Variants in POC5 observed in about 807,000 individuals in gnomAD.
POC5 encodes the protein POC5 centriolar protein, also known as centrosomal protein POC5.
A neutral mutation model predicts 62.9 loss-of-function variants in POC5; 48 were observed. The observed-to-expected ratio is 0.76, with a 90% CI of 0.61 to 0.97. The LOEUF is 0.97. Among genes scored for constraint, POC5 ranks in the 50% least tolerant of loss-of-function variants. POC5 has a pLI of 0.00. For synonymous variants in POC5, 236 were observed against 228.2 expected, an observed-to-expected ratio of 1.03 and a Z score of -0.31; for missense variants, 696 against 679.5, an observed-to-expected ratio of 1.02 and a Z score of -0.27.
rs200652341 is a variant in POC5, at chr5:75,685,383, G to A, written c.1231C>T (p.Pro411Ser). ...GATGGCAGCAGTGGTGATGTAACTG[G>A]TAAGGGCATCGGAGGAGCTGAAGGA... ...LDPSAPPMPL[P>S]VTSPLLPSPP... The change falls in exon 10 of 12, where the codon CCA (proline) becomes TCA (serine). Residue 411 changes from proline to serine, a missense_variant. By Grantham distance (74) the Pro-to-Ser change is moderately conservative. Coordinates refer to ENST00000428202, the MANE Select transcript of POC5 (RefSeq NM_001099271.2). 8.2e-5 allele frequency: 133 copies of A among 1,613,922 alleles called. No homozygotes were observed. Among genetic ancestry groups the A allele is most frequent in the Non-Finnish European group, 1.0e-4 (122 of 1,179,910 alleles).
At chr5:75,709,633 A>G (rs963915975) in intron 2 of POC5, 2 of 152,212 alleles carry the variant, frequency 1.3e-5, no homozygotes, top group Admixed American at 1.3e-4. Context: ...AAAAGTAACT[A>G]TGATTATTTA....
chr5:75,693,447 T>G (rs762453098), intron 6 of POC5, among the ~76,000 whole-genome samples: 2 of 152,064 alleles, frequency 1.3e-5, no homozygotes, highest in Non-Finnish European at 2.9e-5. Flanking sequence ...ACTGGAAATA[T>G]TCTATGTGTT....
In POC5 at chr5:75,674,202, T is replaced by A. The variant is rs1032514993; in HGVS notation, c.*233A>T. ...TATTAAAGAAATAAAGTCCAGTTTC[T>A]TTTTTAATTTAAAAAAGTTTTACTT... On this transcript the variant is annotated 3_prime_UTR_variant, in exon 12 of 12. Coordinates refer to ENST00000428202, the MANE Select transcript of POC5 (RefSeq NM_001099271.2). 1.3e-5 allele frequency: 4 copies of A among 316,964 alleles called. No homozygotes were observed. The highest frequency in any genetic ancestry group is 2.3e-5 in the Non-Finnish European group (4 of 176,170). 19.6% of individuals were successfully genotyped at this position (316,964 alleles called of 1,614,324 possible).
chr5:75,686,582 A>G (rs527682157), intron 9 of POC5, among the ~76,000 whole-genome samples: 1 of 152,334 alleles, frequency 6.6e-6, no homozygotes, highest in Non-Finnish European at 1.5e-5. Flanking sequence ...AAAACAAAAC[A>G]CACACTGAGT....
chr5:75,703,545 G>A (rs1281220561), intron 4 of POC5, among the ~76,000 whole-genome samples: 2 of 152,112 alleles, frequency 1.3e-5, no homozygotes, highest in African/African-American at 4.8e-5. Context: ...AGAATTGCTT[G>A]AACCAGGGAG....
intron 10 of POC5, among the ~76,000 whole-genome samples, chr5:75,683,091 T>C (rs970395756): frequency 4.6e-5 from 7 of 152,202 alleles, no homozygotes; most frequent in East Asian, 1.9e-4. Context: ...CTAAAACTTA[T>C]TCTGCCTCTT....
chr5:75,684,876 T>G (rs1776034735), intron 10 of POC5, among the ~76,000 whole-genome samples: 2 of 151,428 alleles, frequency 1.3e-5, no homozygotes, highest in South Asian at 4.2e-4. Context: ...CAAGCTTTTT[T>G]TTTTTTTTTG....
At chr5:75,689,995 C>A (rs894929861) in intron 8 of POC5, among the ~76,000 whole-genome samples, 1 of 152,142 alleles carries the variant, frequency 6.6e-6, no homozygotes, top group Non-Finnish European at 1.5e-5. Context: ...AAAAGATTAT[C>A]CTGCCTCAGC....
intron 10 of POC5, among the ~76,000 whole-genome samples, chr5:75,683,097 CTCT>C: frequency 6.6e-6 from 1 of 152,296 alleles, no homozygotes; most frequent in East Asian, 1.9e-4. Context: ...CTTATTCTGC[CTCT>C]TCTTTCCTCT....
rs1776941442 is a variant in POC5 at position 75,702,724 on chromosome 5, G to A, written c.394C>T (p.Pro132Ser). 6.2e-7 allele frequency: 1 copy of A among 1,606,920 alleles called. No individual in the cohort carries two copies. ...TCTGTATGACTAGAATTTGTTGCTG[G>A]TGAGGAAGAGTCAGCTAAAAGATGT... is the stretch of plus-strand genomic sequence containing the variant. ...SSHLLADSSS[P>S]ATNSSHTDAH... is the part of the protein sequence containing the mutation. Residue 132 changes from proline to serine, a missense_variant, in exon 5 of 12, where the codon CCA (proline) becomes TCA (serine). By Grantham distance (74) the Pro-to-Ser change is moderately conservative (BLOSUM62 -1). Coordinates refer to ENST00000428202, the MANE Select transcript of POC5 (RefSeq NM_001099271.2).
In POC5 at chr5:75,674,450, T is replaced by C. The variant is rs1420289536; in HGVS notation, c.1713A>G (p.Ile571Met). The change falls in exon 12 of 12, where the codon ATA (isoleucine) becomes ATG (methionine). Residue 571 changes from isoleucine (I) to methionine (M), a missense_variant. Physicochemically the swap from Ile to Met is conservative, Grantham distance 10. Transcript: ENST00000428202. ...CATATTCACTTTAGTCAACCACTTT[T>C]ATGGAATGAACACTTGTGAGAGACT... ...HTQSLTSVHSIKVVD is the reference protein window; with the variant it reads ...HTQSLTSVHSMKVVD The C allele has an allele frequency of 1.2e-6, 2 of 1,613,778 alleles. No individual in the cohort carries two copies. Among genetic ancestry groups the C allele is most frequent in the Non-Finnish European group, 1.7e-6 (2 of 1,179,834 alleles).
chr5:75,681,212 T>C (rs951373945), intron 10 of POC5, among the ~76,000 whole-genome samples: 1 of 152,128 alleles, frequency 6.6e-6, no homozygotes, highest in African/African-American at 2.4e-5. Context: ...TCCAAATCAG[T>C]TACTAATCGT....
At chr5:75,677,973 G>A (rs933225648) in intron 10 of POC5, 23 bp from the exon 11 acceptor site, 6 of 1,466,238 alleles carry the variant, frequency 4.1e-6, no homozygotes, top group Non-Finnish European at 5.4e-6. Context: ...AAAAATAAAA[G>A]AAGTAACAAG....
At chr5:75,716,212 CAGCATGACTGTCTTT>C (rs1286375547) in intron 1 of POC5, among the ~76,000 whole-genome samples, 2 of 152,120 alleles carry the variant, frequency 1.3e-5, no homozygotes, top group Non-Finnish European at 2.9e-5. Context: ...AACTAAATCT[CAGCATGACTGTCTTT>C]AGTTAAGCCA....
At chr5:75,675,269 C>G (rs1296120760) in intron 11 of POC5, among the ~76,000 whole-genome samples, 1 of 150,998 alleles carries the variant, frequency 6.6e-6, no homozygotes, top group African/African-American at 2.4e-5. Flanking sequence ...TAAACATGAA[C>G]AATATGTATC....
At chr5:75,700,360 C>T (rs1580045873) in intron 5 of POC5, among the ~76,000 whole-genome samples, 2 of 151,228 alleles carry the variant, frequency 1.3e-5, no homozygotes, top group East Asian at 2.0e-4. Context: ...GGTACTGGTA[C>T]CAAAACAGAG....
chr5:75,678,570 C>T (rs1383856543), intron 10 of POC5, among the ~76,000 whole-genome samples: 2 of 151,602 alleles, frequency 1.3e-5, no homozygotes, highest in Middle Eastern at 3.4e-3. Flanking sequence ...ACATATGCTT[C>T]TGTGTTCTGC....
rs1742652095 is a variant in POC5 at position 75,717,428 on chromosome 5, T to G, written c.-137A>C. 1 of 152,362 alleles carries G rather than the reference T, an allele frequency of 6.6e-6. No individual in the cohort carries two copies. Among genetic ancestry groups the G allele is most frequent in the African/African-American group, 2.4e-5 (1 of 41,572 alleles). 9.4% of individuals were successfully genotyped at this position (152,362 alleles called of 1,614,324 possible). On this transcript the variant is annotated 5_prime_UTR_variant, in exon 1 of 12. Coordinates refer to ENST00000428202, the MANE Select transcript of POC5 (RefSeq NM_001099271.2). Reference sequence around the variant, plus strand: ...GCTACCTAGACGGCAACCTGACAGTTTCAAACTGCAGGGAGGAATTAAGGA... The same window carrying G: ...GCTACCTAGACGGCAACCTGACAGTGTCAAACTGCAGGGAGGAATTAAGGA...
At chr5:75,693,930 A>G (rs908691037) in intron 6 of POC5, among the ~76,000 whole-genome samples, 2 of 152,218 alleles carry the variant, frequency 1.3e-5, no homozygotes, top group South Asian at 4.1e-4. Context: ...AGCTAAAGGA[A>G]AGTGAAATAA....
Sources: allele counts gnomAD v4.1 joint callset (sites outside exome capture counted in the v4.1 genomes callset), GRCh38; gene constraint gnomAD v4.1.1; transcripts MANE v1.5; gene names NCBI Gene and HGNC (gene_info 2026-07-23, HGNC 2026-07-21).